Variants in POMK observed in about 807,000 individuals in gnomAD.
POMK encodes the protein protein O-mannose kinase, also known as Sugen kinase 196.
In POMK, 19 loss-of-function variants were observed where a neutral mutation model predicts 23.0. The ratio of observed to expected loss-of-function variants is 0.83; its 90% confidence interval spans 0.58 to 1.21. The LOEUF is 1.21. Ranked by LOEUF, POMK falls within the 50% of genes most tolerant of loss-of-function variation. The probability of loss-of-function intolerance (pLI) is 0.00; values close to 1 mark genes in which losing one functional copy is unlikely to be tolerated. For synonymous variants in POMK, 173 were observed against 171.6 expected, an observed-to-expected ratio of 1.01 and a Z score of -0.06; for missense variants, 410 against 431.3, an observed-to-expected ratio of 0.95 and a Z score of 0.44.
intron 4 of POMK, among the ~76,000 whole-genome samples, chr8:43,107,716 C>A (rs1481320118): frequency 1.5e-5 from 2 of 134,778 alleles, no homozygotes; most frequent in African/African-American, 5.6e-5. Flanking sequence ...AGTCTTGCTC[C>A]GTCACCCAGG....
At chr8:43,100,883 G>A (rs953218250) in intron 2 of POMK, among the ~76,000 whole-genome samples, 1 of 152,052 alleles carries the variant, frequency 6.6e-6, no homozygotes, top group Non-Finnish European at 1.5e-5. Context: ...TGAGCACGAG[G>A]ACACTCTAGG....
At chr8:43,107,031 C>T (rs190390804) in intron 4 of POMK, among the ~76,000 whole-genome samples, 151 of 152,212 alleles carry the variant, frequency 9.9e-4, no homozygotes, top group African/African-American at 3.4e-3. Flanking sequence ...CCAAGGCTTT[C>T]GTGACAAAGG....
intron 4 of POMK, 79 bp downstream of exon 4, chr8:43,103,909 G>T (rs1378466224): frequency 1.4e-6 from 2 of 1,426,020 alleles, no homozygotes; most frequent in Non-Finnish European, 1.9e-6. Flanking sequence ...ATCCATGCTG[G>T]CACGGATTAC....
chr8:43,103,590 C>A lies in POMK; in HGVS notation c.42C>A (p.Pro14=). ...QPQNSRRGLA[P]REVPPAVGLL... is the part of the protein sequence containing the mutation. ...AGAACAGCAGGAGAGGCCTCGCCCC[C>A]CGAGAGGTGCCGCCAGCTGTTGGGC... Residue 14 remains proline (P), a synonymous_variant, in exon 4 of 5, where the codon CCC becomes CCA. Coordinates refer to ENST00000331373, the MANE Select transcript of POMK (RefSeq NM_032237.5). 1.2e-6 allele frequency: 2 copies of A among 1,614,200 alleles called. No homozygotes were observed.
chr8:43,097,284 T>C (rs192856366), intron 1 of POMK, among the ~76,000 whole-genome samples: 1 of 152,366 alleles, frequency 6.6e-6, no homozygotes, highest in Admixed American at 6.5e-5. Context: ...GTTCCTGGGC[T>C]ATGACGCCAC....
At position 43,122,730 on chromosome 8, in the gene POMK, C is replaced by T. The variant is rs1276870660; in HGVS notation, c.906C>T (p.Val302=). The T allele has an allele frequency of 1.9e-6, 3 of 1,614,052 alleles. No homozygotes were observed. The highest frequency in any genetic ancestry group is 2.5e-6 in the Non-Finnish European group (3 of 1,180,036). Residue 302 remains valine, a synonymous_variant, in exon 5 of 5, where the codon GTC becomes GTT. Transcript: ENST00000331373. The part of the protein sequence containing the change: ...LLGHIEGSDM[V]RFHLFDIHKA... ...GGCACATTGAAGGGAGTGATATGGT[C>T]CGATTCCATTTGTTTGATATTCACA...
At chr8:43,107,586 G>A (rs1319702054) in intron 4 of POMK, among the ~76,000 whole-genome samples, 1 of 152,068 alleles carries the variant, frequency 6.6e-6, no homozygotes, top group African/African-American at 2.4e-5. Context: ...CGTTGGTCAG[G>A]CTGGTCTCGA....
intron 2 of POMK, among the ~76,000 whole-genome samples, chr8:43,100,768 G>C (rs1455013689): frequency 6.6e-6 from 1 of 151,908 alleles, no homozygotes; most frequent in East Asian, 1.9e-4. Context: ...TGAGGATTGT[G>C]GATCTCTGTG....
chr8:43,103,079 A>T (rs1811475788), intron 3 of POMK, among the ~76,000 whole-genome samples: 1 of 152,202 alleles, frequency 6.6e-6, no homozygotes, highest in Non-Finnish European at 1.5e-5. Flanking sequence ...CCCAGGGAAC[A>T]GGACAGCTGC....
intron 4 of POMK, among the ~76,000 whole-genome samples, chr8:43,109,159 C>T (rs1370531823): frequency 6.6e-6 from 1 of 152,080 alleles, no homozygotes; most frequent in African/African-American, 2.4e-5. Context: ...TTGTTAAATA[C>T]CAAACGTTTA....
At chr8:43,122,010 T>G in intron 4 of POMK, 97 bp from the exon 5 acceptor site, 1 of 1,203,672 alleles carries the variant, frequency 8.3e-7, no homozygotes, top group Admixed American at 1.9e-5. Flanking sequence ...TTCTGTATCT[T>G]CTGCAGAACA....
chr8:43,099,822 G>A (rs1366784360), intron 2 of POMK, among the ~76,000 whole-genome samples: 1 of 152,168 alleles, frequency 6.6e-6, no homozygotes, highest in Non-Finnish European at 1.5e-5. Context: ...TGGTGGAAAT[G>A]CTCTCTGATT....
chr8:43,106,046 T>G (rs534646555), intron 4 of POMK, among the ~76,000 whole-genome samples: 2 of 152,352 alleles, frequency 1.3e-5, no homozygotes, highest in East Asian at 3.9e-4. Flanking sequence ...TAGTTCTGTT[T>G]GTAATTTTCT....
In POMK at chr8:43,097,568, G is replaced by A. The variant is rs1811359740; in HGVS notation, c.-165G>A. 1 of 152,180 alleles carries A rather than the reference G, an allele frequency of 6.6e-6. No homozygotes were observed. Among genetic ancestry groups the A allele is most frequent in the Non-Finnish European group, 1.5e-5 (1 of 68,040 alleles). The allele number at this position is 152,180 out of a possible 1,614,324, so 9.4% of individuals were successfully genotyped here. A position where few individuals can be genotyped will look rare whatever the true frequency, so the allele number is the denominator to read the frequency against. On this transcript the variant is annotated 5_prime_UTR_variant, in exon 2 of 5. Coordinates refer to ENST00000331373, the MANE Select transcript of POMK (RefSeq NM_032237.5). ...GTGTAATCCTGAGAATGGACTGCAA[G>A]AGAGGAAAAACTGGGCGTCTGCTTG...
chr8:43,122,775 T>C lies in POMK; in HGVS notation c.951T>C (p.Thr317=). The C allele has an allele frequency of 6.2e-7, 1 of 1,614,134 alleles. No homozygotes were observed. The highest frequency in any genetic ancestry group is 1.3e-5 in the African/African-American group (1 of 75,036). ...TTCACAAAGCATGCAAGAGCCAGAC[T>C]CCCTCAGAAAGACCCACTGCCCAGG... is the stretch of plus-strand genomic sequence containing the variant. ...FDIHKACKSQ[T]PSERPTAQDV... Residue 317 remains threonine (T), a synonymous_variant, in exon 5 of 5, where the codon ACT becomes ACC. Transcript: ENST00000331373.
At chr8:43,117,929 G>A (rs1563341879) in intron 4 of POMK, among the ~76,000 whole-genome samples, 1 of 152,142 alleles carries the variant, frequency 6.6e-6, no homozygotes, top group Non-Finnish European at 1.5e-5. Flanking sequence ...CATGTACATA[G>A]ACATGTAAAT....
At chr8:43,121,621 C>T (rs911012705) in intron 4 of POMK, among the ~76,000 whole-genome samples, 1 of 152,328 alleles carries the variant, frequency 6.6e-6, no homozygotes, top group Non-Finnish European at 1.5e-5. Flanking sequence ...TTCGGGGTCT[C>T]CACACTTACC....
chr8:43,103,800 G>A lies in POMK; in HGVS notation c.252G>A (p.Leu84=), dbSNP rs1322019014. The change falls in exon 4 of 5, where the codon CTG becomes CTA. Residue 84 remains leucine, a synonymous_variant. Transcript: ENST00000331373. ...AGCTGAGAACAGAAGTGAGACAGCTGAAGCGTGTTGGGGAAGGAGCTGTAA... is the reference window on the plus strand; with the variant it reads ...AGCTGAGAACAGAAGTGAGACAGCTAAAGCGTGTTGGGGAAGGAGCTGTAA... ...CEELRTEVRQ[L]KRVGEGAVKR... is the part of the protein sequence containing the mutation. 13 of 1,614,136 alleles carry A rather than the reference G, an allele frequency of 8.1e-6. No homozygotes were observed. The highest frequency in any genetic ancestry group is 1.7e-5 in the Admixed American group (1 of 60,010).
chr8:43,095,236 A>G (rs1563334605), intron 1 of POMK, among the ~76,000 whole-genome samples: 1 of 152,070 alleles, frequency 6.6e-6, no homozygotes, highest in Non-Finnish European at 1.5e-5. Context: ...ATATTACTTC[A>G]CCTCTGACTC....
Sources: allele counts gnomAD v4.1 joint callset (sites outside exome capture counted in the v4.1 genomes callset), GRCh38; gene constraint gnomAD v4.1.1; transcripts MANE v1.5; gene names NCBI Gene and HGNC (gene_info 2026-07-23, HGNC 2026-07-21).